TENM3: variants seen among roughly 807,000 people sequenced by gnomAD.
TENM3 encodes the protein teneurin-3.
A neutral mutation model predicts 255.1 loss-of-function variants in TENM3; 63 were observed. The observed-to-expected ratio is 0.25, with a 90% confidence interval of 0.20 to 0.30. The LOEUF (loss-of-function observed/expected upper bound fraction) is 0.30, where lower values mean the gene tolerates loss of function less well. Among genes scored for constraint, TENM3 ranks in the 10% least tolerant of loss-of-function variants. The pLI is 1.00. For synonymous variants in TENM3, 1,306 were observed against 1,322.3 expected (o/e 0.99, Z 0.27); for missense variants, 2,929 against 3,461.1 (o/e 0.85, Z 3.86).
chr4:182,572,384 T>C (rs1744475507), intron 3 of TENM3, among the ~76,000 whole-genome samples: 1 of 152,322 alleles, frequency 6.6e-6, no homozygotes, highest in East Asian at 1.9e-4. Context: ...TAGCCATCAG[T>C]CTGGAGGAAC....
chr4:182,619,907 A>G (rs1192842784), intron 4 of TENM3, among the ~76,000 whole-genome samples: 1 of 152,258 alleles, frequency 6.6e-6, no homozygotes, highest in Non-Finnish European at 1.5e-5. Flanking sequence ...TGTGTTAAAA[A>G]GAAGCCGCCG....
chr4:182,456,539 G>C (rs1773888302), intron 3 of TENM3, among the ~76,000 whole-genome samples: 1 of 152,142 alleles, frequency 6.6e-6, no homozygotes, highest in Non-Finnish European at 1.5e-5. Flanking sequence ...CTAACAGTAA[G>C]TTTGAGTAAG....
Position 182,567,251 on chromosome 4 carries a change from T to C in TENM3, c.512-33673T>C, listed in dbSNP as rs140908001. 2.5e-3 allele frequency among the ~76,000 whole-genome samples: 383 copies of C among 152,280 alleles called. 1 individual carries two copies. Among genetic ancestry groups the C allele is most frequent in the African/African-American group, 8.6e-3 (357 of 41,552 alleles). On this transcript the variant is annotated intron_variant, in intron 3 of 27. Transcript: ENST00000511685. ...ATGTTCAGAATTCAACAATTTCCTG[T>C]CCTCTTTATTGCCAGCACACTAGCC...
At chr4:181,876,475 CT>C in the TENM3 span, among the ~76,000 whole-genome samples, 1 of 152,114 alleles carries the variant, frequency 6.6e-6, no homozygotes, top group Non-Finnish European at 1.5e-5. Context: ...AATACGTTTC[CT>C]CTGTTTTAAA....
chr4:182,452,971 G>C (rs1318965959), intron 3 of TENM3, among the ~76,000 whole-genome samples: 1 of 151,550 alleles, frequency 6.6e-6, no homozygotes, highest in African/African-American at 2.4e-5. Context: ...GTCCGAGTTT[G>C]GTTTTCCCTA....
At chr4:181,474,687 A>T in the TENM3 span, among the ~76,000 whole-genome samples, 267 of 151,342 alleles carry the variant, frequency 1.8e-3, 2 homozygotes, top group African/African-American at 6.3e-3. Context: ...GCAAGTCGAG[A>T]TCATGCCACT....
At chr4:182,420,464 A>G (rs1260489867) in intron 3 of TENM3, among the ~76,000 whole-genome samples, 1 of 152,228 alleles carries the variant, frequency 6.6e-6, no homozygotes, top group Non-Finnish European at 1.5e-5. Context: ...GCATACGGAC[A>G]TAATTTGAGA....
chr4:181,539,975 T>C, the TENM3 span, among the ~76,000 whole-genome samples: 2 of 152,198 alleles, frequency 1.3e-5, no homozygotes, highest in African/African-American at 4.8e-5. Context: ...CTAATATCAT[T>C]TTCCAATAAA....
intron 3 of TENM3, among the ~76,000 whole-genome samples, chr4:182,479,394 A>G (rs960093505): frequency 6.6e-6 from 1 of 151,816 alleles, no homozygotes; most frequent in Admixed American, 6.6e-5. Context: ...CATGAATTTG[A>G]CGATTATAAA....
chr4:181,752,531 G>A, the TENM3 span, among the ~76,000 whole-genome samples: 2 of 151,934 alleles, frequency 1.3e-5, no homozygotes, highest in Admixed American at 6.6e-5. Flanking sequence ...CAGCCTGGGC[G>A]ACAGAGCGAG....
At chr4:181,559,847 C>T in the TENM3 span, among the ~76,000 whole-genome samples, 4 of 152,170 alleles carry the variant, frequency 2.6e-5, no homozygotes, top group Non-Finnish European at 5.9e-5. Flanking sequence ...ATTGAGAAAC[C>T]ACACGCAGGA....
intron 1 of TENM3, among the ~76,000 whole-genome samples, chr4:182,221,779 T>G (rs1220980499): frequency 6.6e-6 from 1 of 152,228 alleles, no homozygotes; most frequent in Non-Finnish European, 1.5e-5. Flanking sequence ...ATAGACCCAA[T>G]CTACAAATAA....
At chr4:181,665,891 C>A in the TENM3 span, among the ~76,000 whole-genome samples, 2 of 151,620 alleles carry the variant, frequency 1.3e-5, no homozygotes, top group African/African-American at 4.8e-5. Context: ...TAAAATAATG[C>A]ATAAAATAAA....
the TENM3 span, among the ~76,000 whole-genome samples, chr4:181,458,152 A>T: frequency 6.6e-6 from 1 of 151,938 alleles, no homozygotes; most frequent in East Asian, 1.9e-4. Context: ...CCTCATATAT[A>T]GTGTTAGCTT....
chr4:182,600,897 CTTTTTTTTTTTTTT>C lies in TENM3; in HGVS notation c.512-17_512-4del. On this transcript the variant is annotated splice_polypyrimidine_tract_variant and intron_variant, in intron 3 of 27. Transcript: ENST00000511685. ...TATATATATATAATGAGTTCTCTTTCTTTTTTTTTTTTTTTTTTTTTTTCAGAGCAACCTGCAAG... is the reference window on the plus strand; with the variant it reads ...TATATATATATAATGAGTTCTCTTTCTTTTTTTTTCAGAGCAACCTGCAAG... 4.1e-6 allele frequency: 2 copies of C among 492,982 alleles called. No individual in the cohort carries two copies. Among genetic ancestry groups the C allele is most frequent in the Non-Finnish European group, 3.2e-6 (1 of 309,168 alleles). 30.5% of individuals were successfully genotyped at this position (492,982 alleles called of 1,614,324 possible). A position where few individuals can be genotyped will look rare whatever the true frequency, so the allele number is the denominator to read the frequency against.
chr4:181,618,646 G>A, the TENM3 span, among the ~76,000 whole-genome samples: 3 of 152,294 alleles, frequency 2.0e-5, no homozygotes, highest in Admixed American at 6.5e-5. Context: ...TCATTGCAAA[G>A]GGAAAGCCTA....
the TENM3 span, among the ~76,000 whole-genome samples, chr4:181,862,321 T>G: frequency 1.3e-5 from 2 of 152,006 alleles, no homozygotes; most frequent in African/African-American, 4.8e-5. Flanking sequence ...ACTAAAACCA[T>G]TTTCCCATAT....
chr4:182,386,701 G>A (rs764458388), intron 3 of TENM3, among the ~76,000 whole-genome samples: 15 of 152,236 alleles, frequency 9.9e-5, no homozygotes, highest in African/African-American at 1.7e-4. Flanking sequence ...CCAGGCCAGC[G>A]GCTGCAGAGG....
the TENM3 span, among the ~76,000 whole-genome samples, chr4:181,561,575 G>A: frequency 1.3e-5 from 2 of 152,132 alleles, no homozygotes; most frequent in African/African-American, 2.4e-5. Context: ...ATAAATCACT[G>A]CTTCACTTAG....
Sources: gnomAD v4.1 joint callset for allele counts (sites outside exome capture counted in the v4.1 genomes callset) on GRCh38, gnomAD v4.1.1 for gene constraint, MANE v1.5 for transcripts, NCBI Gene and HGNC (gene_info 2026-07-23, HGNC 2026-07-21) for gene names.